The following RFX3 variants were observed in gnomAD, a reference collection of about 807,000 sequenced individuals.
The protein encoded by RFX3 is transcription factor RFX3.
In RFX3, 14 loss-of-function variants were observed where a neutral mutation model predicts 98.6. The observed-to-expected ratio is 0.14, with a 90% CI of 0.09 to 0.22. The LOEUF is 0.22. Ranked by LOEUF, RFX3 falls within the 10% of genes least tolerant of loss-of-function variation. The probability of loss-of-function intolerance (pLI) is 1.00; values close to 1 mark genes in which losing one functional copy is unlikely to be tolerated. For synonymous variants in RFX3, 383 were observed against 328.4 expected (o/e 1.17, Z -1.80); for missense variants, 639 against 926.9 (o/e 0.69, Z 4.03).
At chr9:3,386,799 T>C (rs888956850) in intron 2 of RFX3, among the ~76,000 whole-genome samples, 2 of 152,026 alleles carry the variant, frequency 1.3e-5, no homozygotes, top group Admixed American at 1.3e-4. Context: ...AAAAAGGAAA[T>C]GTAGTAGACA....
chr9:3,372,693 C>A (rs1230822210), intron 2 of RFX3, among the ~76,000 whole-genome samples: 2 of 151,918 alleles, frequency 1.3e-5, no homozygotes, highest in African/African-American at 4.8e-5. Flanking sequence ...TCGAGTGATT[C>A]TCCTGCCTCA....
At chr9:3,500,612 C>A (rs570699143) in intron 1 of RFX3, among the ~76,000 whole-genome samples, 1 of 152,176 alleles carries the variant, frequency 6.6e-6, no homozygotes, top group South Asian at 2.1e-4. Context: ...TCCTGTATGA[C>A]AAGAAAAATT....
At chr9:3,270,829 C>T (rs1824330137) in intron 10 of RFX3, 174 bp downstream of exon 10, 1 of 857,598 alleles carries the variant, frequency 1.2e-6, no homozygotes. Context: ...GCTATATACA[C>T]ACACTGAAAC....
intron 6 of RFX3, among the ~76,000 whole-genome samples, chr9:3,291,326 T>G (rs2131616166): frequency 6.6e-6 from 1 of 152,000 alleles, no homozygotes; most frequent in East Asian, 1.9e-4. Context: ...GAGCTGAGAT[T>G]GGGGCACTGC....
At chr9:3,252,654 C>G (rs1821578162) in intron 14 of RFX3, among the ~76,000 whole-genome samples, 2 of 152,038 alleles carry the variant, frequency 1.3e-5, no homozygotes, top group African/African-American at 4.8e-5. Flanking sequence ...CTGGATGACT[C>G]TAGTGGCTGG....
intron 1 of RFX3, among the ~76,000 whole-genome samples, chr9:3,431,794 C>T (rs1043174392): frequency 2.0e-5 from 3 of 152,212 alleles, no homozygotes; most frequent in South Asian, 4.2e-4. Context: ...TAGCAGCAGA[C>T]GAGTTCCCAG....
At position 3,503,647 on chromosome 9, in the gene RFX3, T is replaced by C. The variant is rs1237695412; in HGVS notation, c.-9+22100A>G. Among the ~76,000 whole-genome samples the C allele has an allele frequency of 2.0e-5, 3 of 152,152 alleles. No homozygotes were observed. In the East Asian group the frequency reaches 5.8e-4, roughly 29 times the overall value. ...GTCAAAATAATAGAATTCAAGACAATTTGCCTCCATTAGTAACTTTTATTT... is the reference window on the plus strand; with the variant it reads ...GTCAAAATAATAGAATTCAAGACAACTTGCCTCCATTAGTAACTTTTATTT... On this transcript the variant is annotated intron_variant, in intron 1 of 16. Transcript: ENST00000617270.
chr9:3,479,415 T>C (rs1051011245), intron 1 of RFX3, among the ~76,000 whole-genome samples: 1 of 152,198 alleles, frequency 6.6e-6, no homozygotes, highest in Non-Finnish European at 1.5e-5. Flanking sequence ...TTTGATTTTT[T>C]AAAAATATAC....
At chr9:3,522,556 CGTGTGT>C (rs111656079) in intron 1 of RFX3, among the ~76,000 whole-genome samples, 5,077 of 145,358 alleles carry the variant, frequency 0.035, 218 homozygotes, top group African/African-American at 0.11. Flanking sequence ...AGTGTGTGTG[CGTGTGT>C]GTGTGTGTGT....
At chr9:3,460,397 T>A in intron 1 of RFX3, among the ~76,000 whole-genome samples, 1 of 152,034 alleles carries the variant, frequency 6.6e-6, no homozygotes, top group Non-Finnish European at 1.5e-5. Context: ...CTAAATAATC[T>A]AATATTTTAA....
At chr9:3,245,986 T>C (rs1446694636) in intron 15 of RFX3, among the ~76,000 whole-genome samples, 1 of 152,194 alleles carries the variant, frequency 6.6e-6, no homozygotes, top group Non-Finnish European at 1.5e-5. Context: ...CTTCTCCTTT[T>C]CCCCAAATCA....
chr9:3,286,945 A>G (rs1190152123), intron 7 of RFX3, among the ~76,000 whole-genome samples: 1 of 151,592 alleles, frequency 6.6e-6, no homozygotes, highest in Admixed American at 6.6e-5. Flanking sequence ...AAACTTCCCA[A>G]TCTCCCTTTC....
At chr9:3,257,844 C>T (rs1220053153) in intron 13 of RFX3, among the ~76,000 whole-genome samples, 1 of 152,126 alleles carries the variant, frequency 6.6e-6, no homozygotes, top group African/African-American at 2.4e-5. Context: ...AACAAAAACT[C>T]TTGAGAAAAT....
chr9:3,488,726 T>G (rs192433363), intron 1 of RFX3: 41 of 956,430 alleles, frequency 4.3e-5, no homozygotes, highest in Non-Finnish European at 1.2e-5. Flanking sequence ...ATCCATAAAA[T>G]TGTAGAAAAT....
At chr9:3,488,739 A>G in intron 1 of RFX3, 1 of 978,706 alleles carries the variant, frequency 1.0e-6, no homozygotes, top group South Asian at 4.7e-5. Flanking sequence ...TAGAAAATGC[A>G]TAGGGGAATT....
Position 3,262,910 on chromosome 9 carries a change from C to T in RFX3, c.1605+25G>A, listed in dbSNP as rs1439048023. The T allele has an allele frequency of 2.5e-6, 4 of 1,608,652 alleles. No homozygotes were observed. The South Asian group carries it at 3.3e-5, about 13-fold the overall frequency. ...AAATTGGGTATCTTTCCTTAAGAGA[C>T]ATGCTTTGCAAGGAAATAGAATACC... On this transcript the variant is annotated intron_variant, in intron 13 of 16. Coordinates refer to ENST00000617270, the MANE Select transcript of RFX3 (RefSeq NM_001282116.2).
At chr9:3,356,782 A>T (rs1336945717) in intron 2 of RFX3, among the ~76,000 whole-genome samples, 1 of 151,974 alleles carries the variant, frequency 6.6e-6, no homozygotes. Flanking sequence ...ATAAATCATA[A>T]TCAGGTAGGA....
rs1325119314 is a variant in RFX3 at position 3,525,954 on chromosome 9, G to C, written c.-216C>G. On this transcript the variant is annotated 5_prime_UTR_variant, in exon 1 of 17. Transcript: ENST00000617270. ...AGAGAGAGAGAGGGAGAGAGAGAGA[G>C]AGCGAGAGGGAGAGGGAGACACTCG... The C allele has an allele frequency of 8.0e-5, 49 of 608,982 alleles. No homozygotes were observed. Among genetic ancestry groups the C allele is most frequent in the Non-Finnish European group, 9.6e-5 (47 of 489,014 alleles). 37.7% of individuals were successfully genotyped at this position (608,982 alleles called of 1,614,324 possible).
At chr9:3,397,626 G>A (rs1841028697) in intron 1 of RFX3, among the ~76,000 whole-genome samples, 2 of 152,104 alleles carry the variant, frequency 1.3e-5, no homozygotes, top group South Asian at 4.1e-4. Context: ...GTAGACTTGG[G>A]ACTGGGCTTT....
Sources: allele counts gnomAD v4.1 joint callset (sites outside exome capture counted in the v4.1 genomes callset), GRCh38; gene constraint gnomAD v4.1.1; transcripts MANE v1.5; gene names NCBI Gene and HGNC (gene_info 2026-07-23, HGNC 2026-07-21).